Variants in PLEKHG4 observed in about 807,000 individuals in gnomAD.
The protein encoded by PLEKHG4 is pleckstrin homology and RhoGEF domain containing G4.
In PLEKHG4, 85 loss-of-function variants were observed where a neutral mutation model predicts 136.9. The observed-to-expected ratio is 0.62, with a 90% CI of 0.52 to 0.74. The LOEUF is 0.74. Ranked by LOEUF, PLEKHG4 falls within the 30% of genes least tolerant of loss-of-function variation. The pLI is 0.00. For missense variants in PLEKHG4, 1,317 were observed against 1,527.8 expected (o/e 0.86, Z 2.30); for synonymous variants, 577 against 646.9 (o/e 0.89, Z 1.64).
chr16:67,280,883 G>C lies in PLEKHG4; in HGVS notation c.597G>C (p.Gly199=). Residue 199 remains glycine, a splice_region_variant and synonymous_variant, in exon 4 of 22, where the codon GGG becomes GGC. Coordinates refer to ENST00000379344, the MANE Select transcript of PLEKHG4 (RefSeq NM_001129729.3). This position sits in a 1 kb window ranked among gnomAD's most constrained non-coding sequence, Gnocchi z 4.4. ...LLASGMATLP[G]TRDVQGRAVL... is the part of the protein sequence containing the mutation. ...GAGTTCACTGCTTCCTCCCCACAGGGACTCGGGATGTCCAAGGCCGGGCAG... is the reference window on the plus strand; with the variant it reads ...GAGTTCACTGCTTCCTCCCCACAGGCACTCGGGATGTCCAAGGCCGGGCAG... 6.2e-7 allele frequency: 1 copy of C among 1,612,912 alleles called. No individual in the cohort carries two copies. The highest frequency in any genetic ancestry group is 8.5e-7 in the Non-Finnish European group (1 of 1,180,026).
At chr16:67,282,370 C>G (rs1458719101) in intron 9 of PLEKHG4, 21 bp downstream of exon 9, 1 of 1,610,746 alleles carries the variant, frequency 6.2e-7, no homozygotes, top group Non-Finnish European at 8.5e-7. Flanking sequence ...GCCCGGCCCC[C>G]AGATCTTGCC....
chr16:67,279,067 C>T (rs770155836), upstream of PLEKHG4: 7 of 152,252 alleles, frequency 4.6e-5, no homozygotes, highest in Non-Finnish European at 1.0e-4. Flanking sequence ...GAAGGCCTTC[C>T]CCTCCCGTCG....
chr16:67,278,629 G>A (rs958113632), upstream of PLEKHG4: 2 of 152,298 alleles, frequency 1.3e-5, no homozygotes, highest in African/African-American at 4.8e-5. Context: ...GAAATGAGGG[G>A]GCAGGGCACC....
chr16:67,284,853 T>C lies in PLEKHG4; in HGVS notation c.1833T>C (p.Ala611=), dbSNP rs2036391642. 6.2e-7 allele frequency: 1 copy of C among 1,613,154 alleles called. No homozygotes were observed. The highest frequency in any genetic ancestry group is 8.5e-7 in the Non-Finnish European group (1 of 1,179,756). ...CTGCCCACTTCCGAAAGATGTGGGCTCTGGCCACGGGGCTGGGCTCAGAGG... is the reference window on the plus strand; with the variant it reads ...CTGCCCACTTCCGAAAGATGTGGGCCCTGGCCACGGGGCTGGGCTCAGAGG... The part of the protein sequence containing the change: ...LPPAHFRKMW[A]LATGLGSEAI... Residue 611 remains alanine (A), a synonymous_variant, in exon 13 of 22, where the codon GCT becomes GCC. Coordinates refer to ENST00000379344, the MANE Select transcript of PLEKHG4 (RefSeq NM_001129729.3). The surrounding 1 kb of genome is among the most constrained non-coding windows in gnomAD (Gnocchi z 4.4).
rs1597388845 is a variant in PLEKHG4, at chr16:67,288,519, G to A, written c.3485G>A (p.Cys1162Tyr). 1 of 1,614,128 alleles carries A rather than the reference G, an allele frequency of 6.2e-7. No homozygotes were observed. Among genetic ancestry groups the A allele is most frequent in the Non-Finnish European group, 8.5e-7 (1 of 1,179,948 alleles). Reference protein sequence around the residue: ...TAEDSEISSQCPSASGSSGSD... With the variant: ...TAEDSEISSQYPSASGSSGSD... ...GAGGACTCAGAGATCTCGTCCCAAT[G>A]CCCATCAGCCAGTGGCTCCAGTGGC... The change falls in exon 21 of 22, where the codon TGC becomes TAC. Residue 1162 changes from cysteine (C) to tyrosine (Y), a missense_variant. Transcript: ENST00000379344.
chr16:67,289,348 A>G lies in PLEKHG4; in HGVS notation c.*540A>G, dbSNP rs1412341274. 8.1e-6 allele frequency: 4 copies of G among 492,192 alleles called. No homozygotes were observed. The highest frequency in any genetic ancestry group is 1.4e-5 in the Non-Finnish European group (4 of 280,148). 30.5% of individuals were successfully genotyped at this position (492,192 alleles called of 1,614,324 possible). On this transcript the variant is annotated 3_prime_UTR_variant, in exon 22 of 22. Coordinates refer to ENST00000379344, the MANE Select transcript of PLEKHG4 (RefSeq NM_001129729.3). ...GTTATTTTGACTTGATGCCTTTTGAATAACTTTCAATAGAATTGTCTAAAA... is the reference window on the plus strand; with the variant it reads ...GTTATTTTGACTTGATGCCTTTTGAGTAACTTTCAATAGAATTGTCTAAAA...
chr16:67,283,065 C>T (rs2036306234), intron 11 of PLEKHG4, among the ~76,000 whole-genome samples: 1 of 152,058 alleles, frequency 6.6e-6, no homozygotes, highest in East Asian at 1.9e-4. Flanking sequence ...GTGATTCTGC[C>T]TGAGGGTATA....
chr16:67,287,463 G>C, intron 18 of PLEKHG4: 1 of 540,478 alleles, frequency 1.9e-6, no homozygotes, highest in Non-Finnish European at 3.3e-6. Context: ...GCAGTGGCAT[G>C]ATCTTTGCTC....
At chr16:67,287,851 C>T (rs1251175667) in intron 18 of PLEKHG4, 47 bp from the exon 19 acceptor site, 2 of 1,249,478 alleles carry the variant, frequency 1.6e-6, no homozygotes, top group Non-Finnish European at 2.4e-6. Flanking sequence ...GGCCCAAGGA[C>T]AGGCTTATGT....
At position 67,285,479 on chromosome 16, in the gene PLEKHG4, T is replaced by G; in HGVS notation, c.2385T>G (p.Arg795=). ...ACTTCCACTGCCACTTCTTCCTGCG[T>G]GAGCTGGAGGCTTGCACCCGGCACC... ...LRDFHCHFFL[R]ELEACTRHPP... is the part of the protein sequence containing the mutation. The change falls in exon 14 of 22, where the codon CGT becomes CGG. Residue 795 remains arginine (R), a synonymous_variant. Coordinates refer to ENST00000379344, the MANE Select transcript of PLEKHG4 (RefSeq NM_001129729.3). 1 of 1,613,694 alleles carries G rather than the reference T, an allele frequency of 6.2e-7. No individual in the cohort carries two copies. The highest frequency in any genetic ancestry group is 8.5e-7 in the Non-Finnish European group (1 of 1,180,002).
Position 67,285,517 on chromosome 16 carries a change from C to T in PLEKHG4, c.2423C>T (p.Ala808Val). 1 of 1,609,830 alleles carries T rather than the reference C, an allele frequency of 6.2e-7. No individual in the cohort carries two copies. The highest frequency in any genetic ancestry group is 8.5e-7 in the Non-Finnish European group (1 of 1,180,008). Residue 808 changes from alanine to valine, a missense_variant, in exon 14 of 22, where the codon GCC becomes GTC. By Grantham distance (64) the Ala-to-Val change is moderately conservative. Transcript: ENST00000379344. The part of the protein sequence containing the change: ...EACTRHPPRV[A>V]YAFLRHRVQF... ...TGCACCCGGCACCCACCACGAGTGG[C>T]CTATGCCTTCCTGCGCCATGTAAGC...
chr16:67,285,192 C>T lies in PLEKHG4; in HGVS notation c.2172C>T (p.Ser724=), dbSNP rs2036412890. ...QASPTVPPPG[S]SDPRSLNRLQ... ...CCCCTACTGTGCCTCCACCAGGCAGCTCTGACCCCAGGAGCCTCAACAGGT... is the reference window on the plus strand; with the variant it reads ...CCCCTACTGTGCCTCCACCAGGCAGTTCTGACCCCAGGAGCCTCAACAGGT... The change falls in exon 13 of 22, where the codon AGC becomes AGT. Residue 724 remains serine, a synonymous_variant. Coordinates refer to ENST00000379344, the MANE Select transcript of PLEKHG4 (RefSeq NM_001129729.3). 1 of 1,613,552 alleles carries T rather than the reference C, an allele frequency of 6.2e-7. No individual in the cohort carries two copies. Among genetic ancestry groups the T allele is most frequent in the South Asian group, 1.1e-5 (1 of 91,088 alleles).
Position 67,286,882 on chromosome 16 carries a change from C to A in PLEKHG4, c.2888C>A (p.Thr963Lys). Residue 963 changes from threonine (T) to lysine (K), a missense_variant, in exon 17 of 22, where the codon ACA becomes AAA. Coordinates refer to ENST00000379344, the MANE Select transcript of PLEKHG4 (RefSeq NM_001129729.3). Reference sequence around the variant, plus strand: ...TTCAGCAAGCCTCGCCATGGGCCCACAGGGGTTGACACATTTGCCTACAAG... The same window carrying A: ...TTCAGCAAGCCTCGCCATGGGCCCAAAGGGGTTGACACATTTGCCTACAAG... The part of the protein sequence containing the change: ...LLFSKPRHGP[T>K]GVDTFAYKRS... The A allele has an allele frequency of 6.2e-7, 1 of 1,614,062 alleles. No homozygotes were observed. The highest frequency in any genetic ancestry group is 8.5e-7 in the Non-Finnish European group (1 of 1,180,014).
chr16:67,282,868 GTCACTT>G lies in PLEKHG4; in HGVS notation c.1509+11_1509+16del. 1 of 1,593,894 alleles carries G rather than the reference GTCACTT, an allele frequency of 6.3e-7. No individual in the cohort carries two copies. Among genetic ancestry groups the G allele is most frequent in the Non-Finnish European group, 8.6e-7 (1 of 1,162,438 alleles). On this transcript the variant is annotated intron_variant, in intron 11 of 21. Coordinates refer to ENST00000379344, the MANE Select transcript of PLEKHG4 (RefSeq NM_001129729.3). ...GTACCAGGTTGCCCAGGTATATGTG[GTCACTT>G]GTTCATGCCACGGGTATTGGGATGC...
chr16:67,285,996 G>T (rs893862475), intron 14 of PLEKHG4, among the ~76,000 whole-genome samples: 2 of 152,196 alleles, frequency 1.3e-5, no homozygotes, highest in Non-Finnish European at 2.9e-5. Flanking sequence ...GGTGAGGTGA[G>T]CTCTTAGAGC....
In PLEKHG4 at chr16:67,285,107, C is replaced by A; in HGVS notation, c.2087C>A (p.Ala696Glu). 1 of 1,613,390 alleles carries A rather than the reference C, an allele frequency of 6.2e-7. No homozygotes were observed. The highest frequency in any genetic ancestry group is 8.5e-7 in the Non-Finnish European group (1 of 1,179,994). The change falls in exon 13 of 22, where the codon GCG becomes GAG. Residue 696 changes from alanine (A) to glutamate (E), a missense_variant. Ala to Glu is a moderately radical substitution (Grantham distance 107, BLOSUM62 -1). Coordinates refer to ENST00000379344, the MANE Select transcript of PLEKHG4 (RefSeq NM_001129729.3). ...LSEPACHCHH[A>E]ATIAACRRPE... ...GAACCTGCCTGCCACTGCCACCATGCGGCCACTATTGCTGCCTGCCGCAGA... is the reference window on the plus strand; with the variant it reads ...GAACCTGCCTGCCACTGCCACCATGAGGCCACTATTGCTGCCTGCCGCAGA...
At position 67,288,289 on chromosome 16, in the gene PLEKHG4, C is replaced by T; in HGVS notation, c.3343C>T (p.His1115Tyr). 1 of 1,613,064 alleles carries T rather than the reference C, an allele frequency of 6.2e-7. No individual in the cohort carries two copies. The highest frequency in any genetic ancestry group is 8.5e-7 in the Non-Finnish European group (1 of 1,179,912). ...CTCTGTTCTGGGGTCCCTCAACCTG[C>T]ACCTGTACAGAGACCCAGCTCTTCT... is the stretch of plus-strand genomic sequence containing the variant. ...SCSVLGSLNLHLYRDPALLGL... is the reference protein window; with the variant it reads ...SCSVLGSLNLYLYRDPALLGL... The change falls in exon 20 of 22, where the codon CAC becomes TAC. Residue 1115 changes from histidine (H) to tyrosine (Y), a missense_variant. Physicochemically the swap from His to Tyr is moderately conservative, Grantham distance 83. Transcript: ENST00000379344.
At chr16:67,286,710 C>T (rs2036487397) in intron 16 of PLEKHG4, 39 bp from the exon 17 acceptor site, 1 of 1,603,108 alleles carries the variant, frequency 6.2e-7, no homozygotes, top group Non-Finnish European at 8.5e-7. Flanking sequence ...AAGAAGAAGG[C>T]AGAAGAGGCT....
At chr16:67,285,683 C>T (rs1481426782) in intron 14 of PLEKHG4, 147 bp downstream of exon 14, 1 of 876,984 alleles carries the variant, frequency 1.1e-6, no homozygotes. Context: ...GCTCTTAGTC[C>T]AGTAGAGGAG....
Sources: allele counts gnomAD v4.1 joint callset (sites outside exome capture counted in the v4.1 genomes callset), GRCh38; gene constraint gnomAD v4.1.1; non-coding constraint Gnocchi (gnomAD v3.1); transcripts MANE v1.5; gene names NCBI Gene and HGNC (gene_info 2026-07-23, HGNC 2026-07-21).